Variants in WDR4 observed in about 807,000 individuals in gnomAD.
WDR4 encodes the protein tRNA (guanine-N(7)-)-methyltransferase non-catalytic subunit WDR4.
In WDR4, 47 loss-of-function variants were observed where a neutral mutation model predicts 48.6. The observed-to-expected ratio is 0.97, with a 90% CI of 0.77 to 1.23. The LOEUF (loss-of-function observed/expected upper bound fraction) is 1.23. Ranked by LOEUF, WDR4 falls within the 50% of genes most tolerant of loss-of-function variation. The pLI, the probability that WDR4 is intolerant of heterozygous loss-of-function variation, is 0.00. For synonymous variants in WDR4, 268 were observed against 230.0 expected, an observed-to-expected ratio of 1.17 and a Z score of -1.49; for missense variants, 606 against 551.6, an observed-to-expected ratio of 1.10 and a Z score of -0.99.
chr21:42,879,120 G>T, intron 1 of WDR4: 1 of 1,212,288 alleles, frequency 8.2e-7, no homozygotes, highest in Non-Finnish European at 1.0e-6. Flanking sequence ...GACCGGAAGC[G>T]ACCCGGCGGC....
chr21:42,857,709 AC>A (rs1173702718), intron 6 of WDR4, among the ~76,000 whole-genome samples: 3 of 152,190 alleles, frequency 2.0e-5, no homozygotes, highest in Admixed American at 6.5e-5. Flanking sequence ...TCAAGTCTCC[AC>A]AGAAGGCTGG....
downstream of WDR4, among the ~76,000 whole-genome samples, chr21:42,845,121 CACAT>C (rs2057699579): frequency 6.6e-6 from 1 of 152,222 alleles, no homozygotes; most frequent in Non-Finnish European, 1.5e-5. Flanking sequence ...TCTGCACGTG[CACAT>C]ACAATCACCC....
At position 42,850,254 on chromosome 21, in the gene WDR4, G is replaced by A. The variant is rs765693596; in HGVS notation, c.1046-12C>T. 2.5e-6 allele frequency: 4 copies of A among 1,579,164 alleles called. No homozygotes were observed. The highest frequency in any genetic ancestry group is 4.6e-5 in the East Asian group (2 of 43,862). ...TGCGCCGGCAGAGCCTGTGATGGGG[G>A]AACAAGGACAGGTGCCAGGTGGGGC... is the stretch of plus-strand genomic sequence containing the variant. On this transcript the variant is annotated splice_polypyrimidine_tract_variant and intron_variant, in intron 10 of 10. Coordinates refer to ENST00000398208, the MANE Select transcript of WDR4 (RefSeq NM_018669.6).
At chr21:42,878,064 A>C (rs2058543072) in intron 1 of WDR4, among the ~76,000 whole-genome samples, 1 of 151,954 alleles carries the variant, frequency 6.6e-6, no homozygotes, top group Admixed American at 6.6e-5. Flanking sequence ...AAAGAAAAAA[A>C]AGAAATTATG....
intron 3 of WDR4, among the ~76,000 whole-genome samples, chr21:42,870,155 G>A (rs575390779): frequency 2.3e-4 from 35 of 151,844 alleles, no homozygotes; most frequent in Non-Finnish European, 4.4e-4. Context: ...GTTCAAGACC[G>A]GCCTGGCCAA....
rs373697587 is a variant in WDR4 at position 42,876,780 on chromosome 21, A to C, written c.90-13T>G. 6.2e-7 allele frequency: 1 copy of C among 1,602,752 alleles called. No individual in the cohort carries two copies. Among genetic ancestry groups the C allele is most frequent in the Non-Finnish European group, 8.5e-7 (1 of 1,176,822 alleles). On this transcript the variant is annotated splice_polypyrimidine_tract_variant and intron_variant, in intron 1 of 10. Transcript: ENST00000398208. ...GCTGTCATCATCACTAAAGAGAAATAACAATAATTTTAAAAGGAGTTATCA... is the reference window on the plus strand; with the variant it reads ...GCTGTCATCATCACTAAAGAGAAATCACAATAATTTTAAAAGGAGTTATCA...
At chr21:42,843,577 A>AT (rs75596094) in intron 11 of WDR4, among the ~76,000 whole-genome samples, 3,352 of 142,714 alleles carry the variant, frequency 0.023, 116 homozygotes, top group African/African-American at 0.072. Context: ...CACCTGGCTA[A>AT]TTTTTTTTTT....
Position 42,876,631 on chromosome 21 carries a change from G to A in WDR4, c.155+71C>T, listed in dbSNP as rs919047499. The A allele has an allele frequency of 1.4e-5, 20 of 1,432,958 alleles. No homozygotes were observed. The African/African-American group carries it at 2.3e-4, about 16-fold the overall frequency. 88.8% of individuals were successfully genotyped at this position (1,432,958 alleles called of 1,614,324 possible). A position where few individuals can be genotyped will look rare whatever the true frequency, so the allele number is the denominator to read the frequency against. On this transcript the variant is annotated intron_variant, in intron 2 of 10. Coordinates refer to ENST00000398208, the MANE Select transcript of WDR4 (RefSeq NM_018669.6). ...GAATTCAGCAAGTAGGACAACAATT[G>A]CTTCTTAGACCCTCTGGTCCCATTA...
Position 42,876,768 on chromosome 21 carries a change from C to T in WDR4, c.90-1G>A, listed in dbSNP as rs775499583. ...ATAGATGAAGAGGCTGTCATCATCACTAAAGAGAAATAACAATAATTTTAA... is the reference window on the plus strand; with the variant it reads ...ATAGATGAAGAGGCTGTCATCATCATTAAAGAGAAATAACAATAATTTTAA... On this transcript the variant is annotated splice_acceptor_variant, in intron 1 of 10. Coordinates refer to ENST00000398208, the MANE Select transcript of WDR4 (RefSeq NM_018669.6). LOFTEE classifies it high-confidence loss of function. 6.2e-7 allele frequency: 1 copy of T among 1,607,138 alleles called. No individual in the cohort carries two copies. Among genetic ancestry groups the T allele is most frequent in the South Asian group, 1.1e-5 (1 of 89,326 alleles).
intron 2 of WDR4, 112 bp from the exon 3 acceptor site, chr21:42,873,803 G>C: frequency 7.8e-7 from 1 of 1,277,280 alleles, no homozygotes; most frequent in Non-Finnish European, 1.1e-6. Context: ...ACTGTTAAGG[G>C]GATCACGTAG....
At chr21:42,888,696 A>G in the WDR4 span, among the ~76,000 whole-genome samples, 216 of 150,694 alleles carry the variant, frequency 1.4e-3, 1 homozygote, top group African/African-American at 5.0e-3. Context: ...ATAAAGGTTT[A>G]TAATTTTTTT....
Position 42,862,960 on chromosome 21 carries a change from CAG to C in WDR4, c.453+478_453+479del, listed in dbSNP as rs1443850612. On this transcript the variant is annotated intron_variant, in intron 4 of 10. Coordinates refer to ENST00000398208, the MANE Select transcript of WDR4 (RefSeq NM_018669.6). This position sits in a 1 kb window ranked among gnomAD's most constrained non-coding sequence, Gnocchi z 4.3. Reference sequence around the variant, plus strand: ...ACACGGGGCACACAGAGTGGGGTGACAGGGGCTGCTGGGAGCAGTGCTGAGGT... The same window carrying C: ...ACACGGGGCACACAGAGTGGGGTGACGGGCTGCTGGGAGCAGTGCTGAGGT... Among the ~76,000 whole-genome samples the C allele has an allele frequency of 2.6e-5, 4 of 152,164 alleles. No homozygotes were observed. The highest frequency in any genetic ancestry group is 4.4e-5 in the Non-Finnish European group (3 of 68,016).
At chr21:42,858,236 G>C (rs1021426346) in intron 6 of WDR4, among the ~76,000 whole-genome samples, 2 of 152,220 alleles carry the variant, frequency 1.3e-5, no homozygotes, top group African/African-American at 4.8e-5. Flanking sequence ...CTGGCTGTGT[G>C]GCCAACTCCC....
intron 5 of WDR4, among the ~76,000 whole-genome samples, chr21:42,860,480 C>G (rs1405964653): frequency 1.3e-5 from 2 of 152,262 alleles, no homozygotes; most frequent in Non-Finnish European, 2.9e-5. Context: ...CTCAAGCAAT[C>G]CCTCATGCAC....
chr21:42,857,221 TACTC>T (rs1276752346), intron 6 of WDR4, among the ~76,000 whole-genome samples: 2 of 151,750 alleles, frequency 1.3e-5, no homozygotes, highest in African/African-American at 4.8e-5. Context: ...GGATGCCAAA[TACTC>T]ACTGAGAAGA....
chr21:42,848,892 G>A (rs1362448372), downstream of WDR4, among the ~76,000 whole-genome samples: 9 of 51,788 alleles, frequency 1.7e-4, no homozygotes, highest in East Asian at 3.8e-3. Context: ...ACGATCACGC[G>A]GCGCACACCT....
At chr21:42,891,126 C>G in the WDR4 span, among the ~76,000 whole-genome samples, 63 of 152,190 alleles carry the variant, frequency 4.1e-4, no homozygotes, top group Non-Finnish European at 7.1e-4. Context: ...AGTTACAAAC[C>G]AGCCTGACCA....
At chr21:42,878,475 T>A (rs1435013340) in intron 1 of WDR4, among the ~76,000 whole-genome samples, 1 of 152,248 alleles carries the variant, frequency 6.6e-6, no homozygotes, top group Non-Finnish European at 1.5e-5. Flanking sequence ...CTGGGATATG[T>A]GACGGGTTTC....
At chr21:42,885,078 ATAT>A in the WDR4 span, among the ~76,000 whole-genome samples, 2 of 152,140 alleles carry the variant, frequency 1.3e-5, no homozygotes, top group African/African-American at 4.8e-5. Flanking sequence ...ATCTGGACAC[ATAT>A]TATGTTTCTA....
Sources: gnomAD v4.1 joint callset for allele counts (sites outside exome capture counted in the v4.1 genomes callset) on GRCh38, gnomAD v4.1.1 for gene constraint, Gnocchi (gnomAD v3.1) non-coding constraint, MANE v1.5 for transcripts, NCBI Gene and HGNC (gene_info 2026-07-23, HGNC 2026-07-21) for gene names.